ZNF469: variants seen among roughly 807,000 people sequenced by gnomAD.
ZNF469 encodes zinc finger protein 469.
In ZNF469, 1 loss-of-function variant was observed where a neutral mutation model predicts 1.0. That is an observed-to-expected ratio of 1.00 (90% CI 0.35 to 4.73). ZNF469 has a LOEUF of 4.73. Among genes scored for constraint, ZNF469 ranks in the 30% most tolerant of loss-of-function variants. The probability of loss-of-function intolerance (pLI) is 0.16; values close to 1 mark genes in which losing one functional copy is unlikely to be tolerated. For synonymous variants in ZNF469, 2,703 were observed against 2,363.4 expected, an observed-to-expected ratio of 1.14 and a Z score of -4.17; for missense variants, 6,100 against 5,356.3, an observed-to-expected ratio of 1.14 and a Z score of -4.33.
the ZNF469 span, among the ~76,000 whole-genome samples, chr16:88,321,948 C>T: frequency 1.3e-5 from 2 of 152,236 alleles, no homozygotes; most frequent in East Asian, 1.9e-4. Context: ...CCACAGGATG[C>T]TGCACCGCTT....
At chr16:88,266,161 T>C in the ZNF469 span, among the ~76,000 whole-genome samples, 4 of 152,234 alleles carry the variant, frequency 2.6e-5, no homozygotes, top group Admixed American at 2.0e-4. Flanking sequence ...TGAGGCTGGC[T>C]GGCCACTGTG....
At chr16:88,318,362 C>A in the ZNF469 span, among the ~76,000 whole-genome samples, 3 of 152,258 alleles carry the variant, frequency 2.0e-5, no homozygotes, top group South Asian at 6.2e-4. Flanking sequence ...GCTGCCCCCC[C>A]TTCCTCCTCT....
chr16:88,107,045 C>A, the ZNF469 span, among the ~76,000 whole-genome samples: 1 of 152,208 alleles, frequency 6.6e-6, no homozygotes, highest in South Asian at 2.1e-4. Context: ...GCCTTTGGGG[C>A]GTGCTGGCAG....
At chr16:88,126,889 G>A in the ZNF469 span, among the ~76,000 whole-genome samples, 6 of 151,894 alleles carry the variant, frequency 4.0e-5, no homozygotes, top group Non-Finnish European at 8.8e-5. Flanking sequence ...GGGCGATCTC[G>A]GCTTACTGCA....
the ZNF469 span, among the ~76,000 whole-genome samples, chr16:88,183,858 C>T: frequency 2.8e-4 from 42 of 152,236 alleles, no homozygotes; most frequent in African/African-American, 9.6e-4. Context: ...CCACCTTGCC[C>T]GGTGGGTGGG....
At position 88,427,846 on chromosome 16, in the gene ZNF469, A is replaced by G. The variant is rs886052389; in HGVS notation, c.376A>G (p.Ser126Gly). Reference sequence around the variant, plus strand: ...ACAGCGCTACATTCTGGGCATCGCCAGCTCGAGGACCAAGCCCACCCTGGA... The same window carrying G: ...ACAGCGCTACATTCTGGGCATCGCCGGCTCGAGGACCAAGCCCACCCTGGA... Reference protein sequence around the residue: ...PPQRYILGIASSRTKPTLDET... With the variant: ...PPQRYILGIAGSRTKPTLDET... The change falls in exon 3 of 3, where the codon AGC becomes GGC. Residue 126 changes from serine to glycine, a missense_variant. Coordinates refer to ENST00000565624, the MANE Select transcript of ZNF469 (RefSeq NM_001367624.2). 67 of 1,549,236 alleles carry G rather than the reference A, an allele frequency of 4.3e-5. No individual in the cohort carries two copies. The East Asian group carries it at 1.6e-3, about 37-fold the overall frequency.
the ZNF469 span, among the ~76,000 whole-genome samples, chr16:88,115,412 G>A: frequency 1.6e-4 from 25 of 151,956 alleles, no homozygotes; most frequent in Admixed American, 3.3e-4. Context: ...GGAGAAGCTC[G>A]GGGGTCACCG....
At chr16:88,403,704 T>C (rs1904947657) in intron 1 of ZNF469, among the ~76,000 whole-genome samples, 1 of 152,246 alleles carries the variant, frequency 6.6e-6, no homozygotes, top group African/African-American at 2.4e-5. Context: ...CATTCTGCAA[T>C]TGTTACAAAC....
chr16:88,205,964 GC>G, the ZNF469 span, among the ~76,000 whole-genome samples: 2 of 152,020 alleles, frequency 1.3e-5, no homozygotes, highest in African/African-American at 2.4e-5. This position sits in a 1 kb window ranked among gnomAD's most constrained non-coding sequence, Gnocchi z 4.2. Context: ...GAAGGGGGGG[GC>G]CCAGCCCATG....
the ZNF469 span, among the ~76,000 whole-genome samples, chr16:88,265,702 G>A: frequency 6.6e-5 from 10 of 152,234 alleles, no homozygotes; most frequent in Non-Finnish European, 1.2e-4. Context: ...CTGGGTCACA[G>A]GGTGCTGCAG....
rs985569633 is a variant in ZNF469, at chr16:88,428,282, T to C, written c.812T>C (p.Val271Ala). 53 of 1,549,864 alleles carry C rather than the reference T, an allele frequency of 3.4e-5. No homozygotes were observed. The African/African-American group carries it at 6.9e-4, about 20-fold the overall frequency. Residue 271 changes from valine to alanine, a missense_variant, in exon 3 of 3, where the codon GTT (valine) becomes GCT (alanine). Physicochemically the swap from Val to Ala is moderately conservative, Grantham distance 64 (BLOSUM62 0). Coordinates refer to ENST00000565624, the MANE Select transcript of ZNF469 (RefSeq NM_001367624.2). The part of the protein sequence containing the change: ...GSRPGGSPRG[V>A]SFQFPFPALH... ...AGGCCCGGCGGCAGCCCCAGGGGAG[T>C]TTCCTTCCAGTTCCCCTTCCCGGCA...
chr16:88,114,309 G>T, the ZNF469 span, among the ~76,000 whole-genome samples: 1 of 146,114 alleles, frequency 6.8e-6, no homozygotes, highest in Non-Finnish European at 1.5e-5. Flanking sequence ...GGGGGTCTTC[G>T]GGGGGAATGA....
the ZNF469 span, among the ~76,000 whole-genome samples, chr16:88,111,930 C>A: frequency 6.6e-6 from 1 of 152,144 alleles, no homozygotes; most frequent in African/African-American, 2.4e-5. Flanking sequence ...CCACCGCGCC[C>A]GGCCAAAAAC....
chr16:88,430,675 G>T lies in ZNF469; in HGVS notation c.3205G>T (p.Ala1069Ser). 1 of 1,493,186 alleles carries T rather than the reference G, an allele frequency of 6.7e-7. No individual in the cohort carries two copies. Among genetic ancestry groups the T allele is most frequent in the Non-Finnish European group, 8.9e-7 (1 of 1,128,570 alleles). The allele number at this position is 1,493,186 out of a possible 1,614,324, so 92.5% of individuals were successfully genotyped here. Residue 1069 changes from alanine to serine, a missense_variant, in exon 3 of 3, where the codon GCG (alanine) becomes TCG (serine). Transcript: ENST00000565624. Reference protein sequence around the residue: ...NRRHRRLGRRAGRCGSLAAGR... With the variant: ...NRRHRRLGRRSGRCGSLAAGR... ...GCGCCACCGGCGGCTGGGGCGGCGG[G>T]CGGGCAGGTGCGGCTCCCTGGCGGC...
At position 88,438,774 on chromosome 16, in the gene ZNF469, C is replaced by G. The variant is rs1255289255; in HGVS notation, c.11304C>G (p.Pro3768=). The change falls in exon 3 of 3, where the codon CCC becomes CCG. Residue 3768 remains proline (P), a synonymous_variant. Coordinates refer to ENST00000565624, the MANE Select transcript of ZNF469 (RefSeq NM_001367624.2). ...QSETATTPAK[P]SFPSRSPAPE... ...AGACAGCCACCACCCCAGCCAAGCC[C>G]AGCTTCCCCAGCCGGAGCCCTGCAC... 1 of 1,550,168 alleles carries G rather than the reference C, an allele frequency of 6.5e-7. No individual in the cohort carries two copies. Among genetic ancestry groups the G allele is most frequent in the Non-Finnish European group, 8.7e-7 (1 of 1,146,904 alleles).
chr16:88,261,366 G>C, the ZNF469 span, among the ~76,000 whole-genome samples: 2 of 152,216 alleles, frequency 1.3e-5, no homozygotes, highest in African/African-American at 4.8e-5. The surrounding 1 kb of genome is among the most constrained non-coding windows in gnomAD (Gnocchi z 6.0). Context: ...GGCTGGGGGA[G>C]GCTTGTGGTC....
At chr16:88,177,861 C>T in the ZNF469 span, 2 of 152,170 alleles carry the variant, frequency 1.3e-5, no homozygotes, top group Non-Finnish European at 2.9e-5. The surrounding 1 kb of genome is among the most constrained non-coding windows in gnomAD (Gnocchi z 4.8). Context: ...GCATGCACCA[C>T]CACACCCGGC....
chr16:88,152,646 A>C, the ZNF469 span, among the ~76,000 whole-genome samples: 3 of 150,458 alleles, frequency 2.0e-5, no homozygotes, highest in South Asian at 6.3e-4. The surrounding 1 kb of genome is among the most constrained non-coding windows in gnomAD (Gnocchi z 4.2). Flanking sequence ...GGAAAAAACC[A>C]TTTGCCCCTA....
chr16:88,307,787 G>C, the ZNF469 span, among the ~76,000 whole-genome samples: 571 of 152,254 alleles, frequency 3.8e-3, 6 homozygotes, highest in African/African-American at 0.012. Flanking sequence ...CTCATTCTCT[G>C]GGTTACCTTT....
Sources: allele counts gnomAD v4.1 joint callset (sites outside exome capture counted in the v4.1 genomes callset), GRCh38; gene constraint gnomAD v4.1.1; non-coding constraint Gnocchi (gnomAD v3.1); transcripts MANE v1.5; gene names NCBI Gene and HGNC (gene_info 2026-07-23, HGNC 2026-07-21).